Variants in SLC4A10 observed in about 807,000 individuals in gnomAD.
SLC4A10 encodes sodium-driven chloride bicarbonate exchanger.
SLC4A10 carries 42 observed loss-of-function variants against 137.7 expected under a neutral mutation model. The observed-to-expected ratio is 0.30, with a 90% CI of 0.24 to 0.39. SLC4A10 has a LOEUF of 0.39. SLC4A10 is among the 10% of genes least tolerant of loss of function. SLC4A10 has a pLI of 1.00. For synonymous variants in SLC4A10, 474 were observed against 464.1 expected (o/e 1.02, Z -0.27); for missense variants, 925 against 1,355.0 (o/e 0.68, Z 4.98).
intron 1 of SLC4A10, among the ~76,000 whole-genome samples, chr2:161,693,245 C>A (rs564732026): frequency 3.0e-4 from 46 of 152,156 alleles, no homozygotes; most frequent in Non-Finnish European, 6.3e-4. Context: ...TTTGGGTAAA[C>A]CCTGGGACAA....
chr2:161,771,153 T>C (rs2051547550), intron 2 of SLC4A10, 99 bp downstream of exon 2: 1 of 872,148 alleles, frequency 1.1e-6, no homozygotes, highest in Admixed American at 2.1e-5. Context: ...CAAAAGTTGG[T>C]ATCAGAGTAA....
chr2:161,984,710 A>C lies in SLC4A10; in HGVS notation c.*1558A>C, dbSNP rs903133803. On this transcript the variant is annotated 3_prime_UTR_variant, in exon 27 of 27. Transcript: ENST00000446997. ...CTTTTTATGGAACATGAGCCTAAAA[A>C]TTATAGAAAGAAGAATTTTAAGTTA... 2.6e-5 allele frequency: 4 copies of C among 152,134 alleles called. No individual in the cohort carries two copies. The highest frequency in any genetic ancestry group is 4.4e-5 in the Non-Finnish European group (3 of 67,964). 9.4% of individuals were successfully genotyped at this position (152,134 alleles called of 1,614,324 possible).
chr2:161,872,339 T>TA lies in SLC4A10; in HGVS notation c.818dup (p.Asn273LysfsTer2). ...AGTCTGCTCCAGCCTGTGTTGAAAATAAAAATGATGTTAGCAGAGAAAACA... is the reference window on the plus strand; with the variant it reads ...AGTCTGCTCCAGCCTGTGTTGAAAATAAAAAATGATGTTAGCAGAGAAAACA... On this transcript the variant is annotated frameshift_variant, in exon 7 of 27. Transcript: ENST00000446997. LOFTEE classifies it high-confidence loss of function. 6.2e-7 allele frequency: 1 copy of TA among 1,613,684 alleles called. No homozygotes were observed. Among genetic ancestry groups the TA allele is most frequent in the Non-Finnish European group, 8.5e-7 (1 of 1,179,752 alleles).
chr2:161,694,758 T>A (rs1441200979), intron 1 of SLC4A10, among the ~76,000 whole-genome samples: 2 of 152,024 alleles, frequency 1.3e-5, no homozygotes, highest in African/African-American at 4.8e-5. Flanking sequence ...ATGGTAACCA[T>A]CAGTCAACAG....
chr2:161,878,538 AT>A (rs1380634887), intron 8 of SLC4A10, among the ~76,000 whole-genome samples: 1 of 151,964 alleles, frequency 6.6e-6, no homozygotes, highest in African/African-American at 2.4e-5. Flanking sequence ...AAATGTTAAT[AT>A]TTTTTTCTTA....
At chr2:161,937,370 A>G (rs984655758) in intron 15 of SLC4A10, among the ~76,000 whole-genome samples, 1 of 152,150 alleles carries the variant, frequency 6.6e-6, no homozygotes, top group African/African-American at 2.4e-5. Flanking sequence ...GACCCTGCCT[A>G]TCTCAGATCC....
At chr2:161,691,451 A>G (rs1411652331) in intron 1 of SLC4A10, among the ~76,000 whole-genome samples, 2 of 152,206 alleles carry the variant, frequency 1.3e-5, no homozygotes, top group East Asian at 3.9e-4. Flanking sequence ...TCCTTAAAAA[A>G]TAACTAGAAG....
At chr2:161,647,555 A>G (rs956592175) in intron 1 of SLC4A10, among the ~76,000 whole-genome samples, 1 of 152,112 alleles carries the variant, frequency 6.6e-6, no homozygotes, top group African/African-American at 2.4e-5. Context: ...TTTTAAAGCC[A>G]ACTTAGAATT....
chr2:161,796,852 T>A (rs1551051), intron 2 of SLC4A10, among the ~76,000 whole-genome samples: 120,501 of 152,088 alleles, frequency 0.79, 48,553 homozygotes, highest in East Asian at 0.98. Flanking sequence ...AGAATGAGCT[T>A]CTTTCTACAT....
At chr2:161,748,508 G>GT (rs1454358229) in intron 1 of SLC4A10, among the ~76,000 whole-genome samples, 6 of 151,442 alleles carry the variant, frequency 4.0e-5, no homozygotes, top group African/African-American at 1.5e-4. Context: ...TCTTTTGCAT[G>GT]TGGATATTCT....
chr2:161,838,502 T>C (rs768749136), intron 3 of SLC4A10, among the ~76,000 whole-genome samples: 4 of 152,122 alleles, frequency 2.6e-5, no homozygotes, highest in Admixed American at 6.6e-5. Context: ...AAACTTTTCC[T>C]CAGTGAAAGA....
At chr2:161,879,382 G>C (rs2061622877) in intron 9 of SLC4A10, 94 bp downstream of exon 9, 1 of 1,290,338 alleles carries the variant, frequency 7.7e-7, no homozygotes, top group East Asian at 2.4e-5. Flanking sequence ...TTAGAGTTTT[G>C]ACTAGAAACT....
chr2:161,914,796 G>A (rs1181644942), intron 15 of SLC4A10, among the ~76,000 whole-genome samples: 1 of 152,094 alleles, frequency 6.6e-6, no homozygotes, highest in Non-Finnish European at 1.5e-5. Flanking sequence ...CAGTACCTCA[G>A]AATGTGACTG....
At position 161,916,390 on chromosome 2, in the gene SLC4A10, C is replaced by T. The variant is rs139008928; in HGVS notation, c.1997+10503C>T. On this transcript the variant is annotated intron_variant, in intron 15 of 26. Coordinates refer to ENST00000446997, the MANE Select transcript of SLC4A10 (RefSeq NM_001178015.2). ...TAGAATACAAACACTTATCTTCACT[C>T]TCTCTACCTCTGTAAACTCTTGTCT... 4.2e-3 allele frequency among the ~76,000 whole-genome samples: 633 copies of T among 152,242 alleles called. 5 individuals carry two copies. The highest frequency in any genetic ancestry group is 0.014 in the African/African-American group (601 of 41,544).
intron 1 of SLC4A10, among the ~76,000 whole-genome samples, chr2:161,661,155 A>G (rs183932797): frequency 1.3e-5 from 2 of 152,198 alleles, no homozygotes; most frequent in East Asian, 1.9e-4. Context: ...TTCTAGTGTA[A>G]TACGAACATC....
At chr2:161,743,707 ATC>A (rs1430815044) in intron 1 of SLC4A10, among the ~76,000 whole-genome samples, 1 of 152,090 alleles carries the variant, frequency 6.6e-6, no homozygotes, top group African/African-American at 2.4e-5. Flanking sequence ...ATTGCATTAA[ATC>A]TATAGATTGC....
chr2:161,712,578 AT>A (rs1329139559), intron 1 of SLC4A10, among the ~76,000 whole-genome samples: 5 of 151,844 alleles, frequency 3.3e-5, no homozygotes, highest in African/African-American at 1.2e-4. Flanking sequence ...AATGAAATAT[AT>A]TATAAATAGA....
At chr2:161,714,011 TA>T (rs2044580216) in intron 1 of SLC4A10, among the ~76,000 whole-genome samples, 1 of 151,780 alleles carries the variant, frequency 6.6e-6, no homozygotes, top group African/African-American at 2.4e-5. Context: ...AAATGATCCA[TA>T]AAAAGTATGT....
At chr2:161,891,192 A>G (rs6432702) in intron 10 of SLC4A10, among the ~76,000 whole-genome samples, 151,700 of 152,280 alleles carry the variant, frequency 1, 75,562 homozygotes, top group East Asian at 1. Flanking sequence ...TTCCCTTTGT[A>G]GGTAACCCGA....
Sources: allele counts gnomAD v4.1 joint callset (sites outside exome capture counted in the v4.1 genomes callset), GRCh38; gene constraint gnomAD v4.1.1; transcripts MANE v1.5; gene names NCBI Gene and HGNC (gene_info 2026-07-23, HGNC 2026-07-21).